Variants in CNTN3 observed in about 807,000 individuals in gnomAD.
The protein encoded by CNTN3 is contactin 3, also known as contactin-3.
Under a neutral mutation model 119.1 loss-of-function variants are expected in CNTN3, and 60 were observed. That is an observed-to-expected ratio of 0.50 (90% confidence interval 0.41 to 0.62). The LOEUF (loss-of-function observed/expected upper bound fraction) is 0.62. CNTN3 is among the 20% of genes least tolerant of loss of function. The pLI is 0.00. For missense variants in CNTN3, 1,101 were observed against 1,242.4 expected (o/e 0.89, Z 1.71); for synonymous variants, 450 against 438.7 (o/e 1.03, Z -0.32).
At chr3:74,267,570 T>C (rs79457231) in intron 20 of CNTN3, 192 bp from the exon 21 acceptor site, 110 of 512,542 alleles carry the variant, frequency 2.1e-4, no homozygotes, top group African/African-American at 2.0e-3. Context: ...AGGCATTTCA[T>C]TCATACACCA....
rs951398763 is a variant in CNTN3 at position 74,597,690 on chromosome 3, A to G, written c.-81+16701T>C. On this transcript the variant is annotated intron_variant, in intron 1 of 22. Coordinates refer to ENST00000263665, the MANE Select transcript of CNTN3 (RefSeq NM_020872.3). ...AATCAAACATCATCACAACATATTT[A>G]AAACAAGCTTACAATGTTAAAAGCC... Among the ~76,000 whole-genome samples the G allele has an allele frequency of 3.3e-5, 5 of 152,078 alleles. No individual in the cohort carries two copies. The East Asian group carries it at 9.7e-4, about 29-fold the overall frequency.
intron 5 of CNTN3, among the ~76,000 whole-genome samples, chr3:74,401,569 A>G (rs945451438): frequency 6.6e-6 from 1 of 152,128 alleles, no homozygotes; most frequent in African/African-American, 2.4e-5. Flanking sequence ...GGGACTAATG[A>G]AACATTTAAA....
At chr3:74,314,159 C>A (rs1336022734) in intron 13 of CNTN3, among the ~76,000 whole-genome samples, 1 of 151,976 alleles carries the variant, frequency 6.6e-6, no homozygotes, top group Non-Finnish European at 1.5e-5. Flanking sequence ...TTAGACATAG[C>A]AACATGCTAT....
At position 74,521,093 on chromosome 3, in the gene CNTN3, T is replaced by G. The variant is rs570927254; in HGVS notation, c.20A>C (p.Gln7Pro). The G allele has an allele frequency of 8.1e-6, 13 of 1,600,890 alleles. No individual in the cohort carries two copies. Among genetic ancestry groups the G allele is most frequent in the African/African-American group, 2.7e-5 (2 of 74,366 alleles). The stretch of plus-strand genomic sequence containing the variant: ...GCCAATGAATGAAAGCAGGATCAAC[T>G]GTTTCCATGGAAACATCATCTTTAA... MMFPWKQLILLSFIGCL... is the reference protein window; with the variant it reads MMFPWKPLILLSFIGCL... Residue 7 changes from glutamine (Q) to proline (P), a missense_variant, in exon 2 of 23, where the codon CAG becomes CCG. Transcript: ENST00000263665.
intron 5 of CNTN3, among the ~76,000 whole-genome samples, chr3:74,421,118 C>G (rs1270319992): frequency 2.0e-5 from 3 of 152,148 alleles, no homozygotes; most frequent in Non-Finnish European, 2.9e-5. Flanking sequence ...TGCTTGGCAT[C>G]TAAGCAACAC....
chr3:74,536,393 C>A (rs1175566053), intron 1 of CNTN3, among the ~76,000 whole-genome samples: 1 of 152,036 alleles, frequency 6.6e-6, no homozygotes, highest in African/African-American at 2.4e-5. Context: ...AGTTTGAGGA[C>A]CTTAATGAAA....
rs756284132 is a variant in CNTN3, at chr3:74,264,351, T to A, written c.*50A>T. The A allele has an allele frequency of 9.0e-7, 1 of 1,107,142 alleles. No individual in the cohort carries two copies. Among genetic ancestry groups the A allele is most frequent in the Non-Finnish European group, 1.2e-6 (1 of 811,020 alleles). 68.6% of individuals were successfully genotyped at this position (1,107,142 alleles called of 1,614,324 possible). On this transcript the variant is annotated 3_prime_UTR_variant, in exon 23 of 23. Coordinates refer to ENST00000263665, the MANE Select transcript of CNTN3 (RefSeq NM_020872.3). Reference sequence around the variant, plus strand: ...AATCACTGCATTTCATGAAAGCACTTTTTTTGGTAACCAAATAACTTTCCA... The same window carrying A: ...AATCACTGCATTTCATGAAAGCACTATTTTTGGTAACCAAATAACTTTCCA...
chr3:74,581,595 G>C (rs1704510524), intron 1 of CNTN3, among the ~76,000 whole-genome samples: 1 of 152,124 alleles, frequency 6.6e-6, no homozygotes, highest in Non-Finnish European at 1.5e-5. Flanking sequence ...ACTCCCAATA[G>C]GTCCTTTGAA....
At chr3:74,299,262 TC>T (rs1184417614) in intron 17 of CNTN3, among the ~76,000 whole-genome samples, 2 of 152,282 alleles carry the variant, frequency 1.3e-5, no homozygotes, top group African/African-American at 4.8e-5. Flanking sequence ...TTGAGTCGTG[TC>T]AAAAATTTTG....
At chr3:74,284,620 A>C (rs1483753366) in intron 20 of CNTN3, among the ~76,000 whole-genome samples, 2 of 152,212 alleles carry the variant, frequency 1.3e-5, no homozygotes, top group African/African-American at 2.4e-5. Context: ...TAAAACAATA[A>C]AACACAATGA....
chr3:74,564,868 G>C lies in CNTN3; in HGVS notation c.-80-43676C>G, dbSNP rs78027210. On this transcript the variant is annotated intron_variant, in intron 1 of 22. Transcript: ENST00000263665. ...TGCAATTAAGAACTCCAAAGATACCGACATCGTGGAACAATGAAATGTGAT... is the reference window on the plus strand; with the variant it reads ...TGCAATTAAGAACTCCAAAGATACCCACATCGTGGAACAATGAAATGTGAT... 6.1e-3 allele frequency among the ~76,000 whole-genome samples: 926 copies of C among 152,074 alleles called. 14 individuals carry two copies. Among genetic ancestry groups the C allele is most frequent in the African/African-American group, 0.021 (887 of 41,498 alleles).
At chr3:74,528,986 C>T (rs981239247) in intron 1 of CNTN3, among the ~76,000 whole-genome samples, 1 of 151,772 alleles carries the variant, frequency 6.6e-6, no homozygotes, top group Admixed American at 6.6e-5. Flanking sequence ...GTGCAAAACA[C>T]TGTGTGAAAA....
intron 13 of CNTN3, among the ~76,000 whole-genome samples, chr3:74,320,263 C>G (rs1334974895): frequency 6.6e-6 from 1 of 152,154 alleles, no homozygotes; most frequent in African/African-American, 2.4e-5. Flanking sequence ...GACTTGGAAC[C>G]AACCCAAATG....
rs565802687 is a variant in CNTN3, at chr3:74,381,122, A to T, written c.455-9723T>A. On this transcript the variant is annotated intron_variant, in intron 5 of 22. Transcript: ENST00000263665. ...CACACGCACACATAAACACACACGC[A>T]CGCACAGTACTTTTGTCCATTAGTA... 4.0e-5 allele frequency among the ~76,000 whole-genome samples: 6 copies of T among 150,912 alleles called. No homozygotes were observed. The Admixed American group carries it at 4.0e-4, about 10-fold the overall frequency.
At chr3:74,401,515 C>CGT (rs1553655553) in intron 5 of CNTN3, among the ~76,000 whole-genome samples, 2 of 149,370 alleles carry the variant, frequency 1.3e-5, no homozygotes, top group East Asian at 2.0e-4. Context: ...CACGCGCGCA[C>CGT]GCACACACAC....
intron 4 of CNTN3, among the ~76,000 whole-genome samples, chr3:74,464,510 T>C (rs1397374443): frequency 6.6e-6 from 1 of 152,180 alleles, no homozygotes; most frequent in Admixed American, 6.6e-5. Flanking sequence ...AAGGATATGC[T>C]TACAGCTTAA....
Position 74,313,876 on chromosome 3 carries a change from T to C in CNTN3, c.1669-11069A>G, listed in dbSNP as rs184430987. ...ACATAGAAAGGGAAAGGGGCATGGC[T>C]GCATTAATGGGGATTATCTAGAGAT... On this transcript the variant is annotated intron_variant, in intron 13 of 22. Transcript: ENST00000263665. Among the ~76,000 whole-genome samples, 477 of 152,332 alleles carry C rather than the reference T, an allele frequency of 3.1e-3. 6 individuals are homozygous for C. Among genetic ancestry groups the C allele is most frequent in the African/African-American group, 0.011 (462 of 41,570 alleles).
At chr3:74,290,117 AG>A (rs1207071256) in intron 19 of CNTN3, among the ~76,000 whole-genome samples, 8 of 152,202 alleles carry the variant, frequency 5.3e-5, no homozygotes, top group African/African-American at 1.7e-4. Context: ...TTACGATGAC[AG>A]GGATACATTC....
chr3:74,563,640 G>A (rs974670313), intron 1 of CNTN3, among the ~76,000 whole-genome samples: 1 of 152,038 alleles, frequency 6.6e-6, no homozygotes, highest in Admixed American at 6.6e-5. Flanking sequence ...TATAGCACAT[G>A]ACCTAGGCTC....
Sources: allele counts gnomAD v4.1 joint callset (sites outside exome capture counted in the v4.1 genomes callset), GRCh38; gene constraint gnomAD v4.1.1; transcripts MANE v1.5; gene names NCBI Gene and HGNC (gene_info 2026-07-23, HGNC 2026-07-21).